Variants in TMEM132D observed in about 807,000 individuals in gnomAD.
TMEM132D encodes mature OL transmembrane protein.
Under a neutral mutation model 62.3 loss-of-function variants are expected in TMEM132D, and 21 were observed. The ratio of observed to expected loss-of-function variants is 0.34; its 90% CI spans 0.24 to 0.49. TMEM132D has a LOEUF of 0.49. TMEM132D is among the 20% of genes least tolerant of loss of function. TMEM132D has a pLI of 0.99. For synonymous variants in TMEM132D, 621 were observed against 575.6 expected (o/e 1.08, Z -1.13); for missense variants, 1,346 against 1,402.8 (o/e 0.96, Z 0.65).
intron 2 of TMEM132D, among the ~76,000 whole-genome samples, chr12:129,604,863 T>A (rs1335369283): frequency 6.6e-6 from 1 of 152,206 alleles, no homozygotes; most frequent in Non-Finnish European, 1.5e-5. Context: ...GCAGACTTAA[T>A]ATTCAACAAT....
At chr12:129,555,031 T>C (rs1877016429) in intron 2 of TMEM132D, among the ~76,000 whole-genome samples, 1 of 152,202 alleles carries the variant, frequency 6.6e-6, no homozygotes, top group African/African-American at 2.4e-5. Context: ...TTTTAGCATC[T>C]CTCTGTCCTT....
intron 4 of TMEM132D, among the ~76,000 whole-genome samples, chr12:129,315,091 C>G (rs1471835971): frequency 6.6e-6 from 1 of 152,082 alleles, no homozygotes. Context: ...TGTCAGCAAA[C>G]AATGACAATT....
intron 2 of TMEM132D, among the ~76,000 whole-genome samples, chr12:129,594,414 A>G (rs1878279793): frequency 1.3e-5 from 2 of 152,210 alleles, no homozygotes; most frequent in African/African-American, 4.8e-5. Context: ...AGGAGGAGTG[A>G]AAATCAAGAG....
rs531847921 is a variant in TMEM132D, at chr12:129,367,706, C to G, written c.1116-29889G>C. Among the ~76,000 whole-genome samples, 8 of 152,094 alleles carry G rather than the reference C, an allele frequency of 5.3e-5. No individual in the cohort carries two copies. The South Asian group carries it at 1.7e-3, about 32-fold the overall frequency. ...TACTTGGATCCAGCCAGCACTGATGCCAGTCCCAGCCCTGGATGTTTTTCG... is the reference window on the plus strand; with the variant it reads ...TACTTGGATCCAGCCAGCACTGATGGCAGTCCCAGCCCTGGATGTTTTTCG... On this transcript the variant is annotated intron_variant, in intron 3 of 8. Coordinates refer to ENST00000422113, the MANE Select transcript of TMEM132D (RefSeq NM_133448.3).
chr12:129,770,945 G>A (rs1870729542), intron 1 of TMEM132D, among the ~76,000 whole-genome samples: 1 of 152,218 alleles, frequency 6.6e-6, no homozygotes, highest in African/African-American at 2.4e-5. Context: ...TAGTTGTCCT[G>A]TGTTTAGTTA....
intron 5 of TMEM132D, among the ~76,000 whole-genome samples, chr12:129,097,140 A>C (rs1358164417): frequency 6.6e-6 from 1 of 152,220 alleles, no homozygotes; most frequent in Admixed American, 6.5e-5. Context: ...TCTTTGCTGT[A>C]GGAGGCTATC....
intron 2 of TMEM132D, among the ~76,000 whole-genome samples, chr12:129,594,774 C>T (rs1458735771): frequency 6.6e-6 from 1 of 152,152 alleles, no homozygotes; most frequent in South Asian, 2.1e-4. Context: ...CTATCATCCA[C>T]GGACTCCCCC....
intron 3 of TMEM132D, among the ~76,000 whole-genome samples, chr12:129,526,125 A>T (rs1255742450): frequency 1.3e-5 from 2 of 152,164 alleles, no homozygotes; most frequent in African/African-American, 2.4e-5. Flanking sequence ...CCACCCTATT[A>T]TATTGTACTG....
At chr12:129,231,270 A>C (rs1324898532) in intron 4 of TMEM132D, among the ~76,000 whole-genome samples, 1 of 152,212 alleles carries the variant, frequency 6.6e-6, no homozygotes, top group Non-Finnish European at 1.5e-5. Context: ...ATCAGCATTG[A>C]AGTCTTTTTC....
chr12:129,423,424 C>T (rs1456056495), intron 3 of TMEM132D, among the ~76,000 whole-genome samples: 1 of 152,168 alleles, frequency 6.6e-6, no homozygotes. Context: ...TCCGGCAACA[C>T]GCTCACTGGG....
At chr12:129,273,261 G>A (rs1362025016) in intron 4 of TMEM132D, among the ~76,000 whole-genome samples, 1 of 151,508 alleles carries the variant, frequency 6.6e-6, no homozygotes, top group Non-Finnish European at 1.5e-5. Flanking sequence ...GTGAAGCTGT[G>A]GAGAAAATAA....
intron 5 of TMEM132D, among the ~76,000 whole-genome samples, chr12:129,114,629 A>G (rs1275166640): frequency 6.6e-6 from 1 of 152,188 alleles, no homozygotes. Flanking sequence ...TTCAACAACC[A>G]GAACACTGTC....
chr12:129,721,806 C>T (rs766488283), intron 1 of TMEM132D, among the ~76,000 whole-genome samples: 4 of 152,176 alleles, frequency 2.6e-5, no homozygotes, highest in Non-Finnish European at 5.9e-5. Flanking sequence ...AAATCCATCC[C>T]ATTAGAGAGC....
intron 5 of TMEM132D, among the ~76,000 whole-genome samples, chr12:129,163,396 G>A (rs947263558): frequency 4.1e-4 from 62 of 152,164 alleles, no homozygotes; most frequent in African/African-American, 1.3e-3. Context: ...ATCCTCTGCC[G>A]TTCTCTTCCC....
intron 4 of TMEM132D, among the ~76,000 whole-genome samples, chr12:129,294,558 T>C (rs558273923): frequency 1.2e-4 from 19 of 152,240 alleles, no homozygotes; most frequent in Middle Eastern, 6.8e-3. Context: ...AGTCTTCCTG[T>C]GGGAGTTTAG....
intron 3 of TMEM132D, among the ~76,000 whole-genome samples, chr12:129,362,762 G>C (rs150567311): frequency 2.0e-4 from 30 of 152,068 alleles, no homozygotes; most frequent in African/African-American, 7.2e-4. Context: ...GATGAGACTT[G>C]GGCAGAAAAC....
At chr12:129,833,194 A>G (rs987080925) in intron 1 of TMEM132D, among the ~76,000 whole-genome samples, 2 of 152,184 alleles carry the variant, frequency 1.3e-5, no homozygotes, top group Admixed American at 6.5e-5. Context: ...TTGATGTGTG[A>G]CCCATGCAAC....
At chr12:129,224,952 C>T (rs1223103655) in intron 4 of TMEM132D, among the ~76,000 whole-genome samples, 1 of 152,070 alleles carries the variant, frequency 6.6e-6, no homozygotes, top group Admixed American at 6.6e-5. Flanking sequence ...AATCAGTGTG[C>T]ATATTGTTTA....
intron 5 of TMEM132D, among the ~76,000 whole-genome samples, chr12:129,198,703 T>A (rs543652103): frequency 2.6e-5 from 4 of 152,298 alleles, no homozygotes; most frequent in South Asian, 2.1e-4. Context: ...AGTTATTTTT[T>A]AAAAATCTAT....
Sources: allele counts gnomAD v4.1 joint callset (sites outside exome capture counted in the v4.1 genomes callset), GRCh38; gene constraint gnomAD v4.1.1; transcripts MANE v1.5; gene names NCBI Gene and HGNC (gene_info 2026-07-23, HGNC 2026-07-21).